The following COX7B2 variants were observed in gnomAD, a reference collection of about 807,000 sequenced individuals.
The protein encoded by COX7B2 is cytochrome c oxidase subunit 7B2.
For synonymous variants in COX7B2, 37 were observed against 32.1 expected, an observed-to-expected ratio of 1.15 and a Z score of -0.51; for missense variants, 109 against 95.9, an observed-to-expected ratio of 1.14 and a Z score of -0.57.
chr4:46,751,423 C>T (rs1328961979), intron 2 of COX7B2, among the ~76,000 whole-genome samples: 1 of 152,092 alleles, frequency 6.6e-6, no homozygotes, highest in Non-Finnish European at 1.5e-5. Flanking sequence ...TCTCCTTTCA[C>T]TTCTAGCAAA....
intron 1 of COX7B2, among the ~76,000 whole-genome samples, chr4:46,859,909 A>C (rs1211795548): frequency 6.6e-6 from 1 of 152,228 alleles, no homozygotes; most frequent in Non-Finnish European, 1.5e-5. Flanking sequence ...CTCTGGGTGC[A>C]CTGCCTATGA....
At chr4:46,829,830 T>A (rs1317713902) in intron 2 of COX7B2, among the ~76,000 whole-genome samples, 1 of 152,184 alleles carries the variant, frequency 6.6e-6, no homozygotes, top group African/African-American at 2.4e-5. Context: ...AAAATTAAAC[T>A]GAAGGGCAGA....
intron 1 of COX7B2, among the ~76,000 whole-genome samples, chr4:46,889,985 A>C (rs1222968969): frequency 6.6e-6 from 1 of 152,068 alleles, no homozygotes. Flanking sequence ...TATCCAAAAA[A>C]GAAATATATG....
At chr4:46,753,573 T>C (rs1161971022) in intron 2 of COX7B2, among the ~76,000 whole-genome samples, 3 of 151,852 alleles carry the variant, frequency 2.0e-5, no homozygotes, top group African/African-American at 7.3e-5. Context: ...CAAGATGGAT[T>C]AAAGACTTAA....
At chr4:46,824,699 C>A (rs1427895871) in intron 2 of COX7B2, among the ~76,000 whole-genome samples, 1 of 147,690 alleles carries the variant, frequency 6.8e-6, no homozygotes, top group Non-Finnish European at 1.5e-5. Context: ...AAGTAGGCTT[C>A]ATCACCAAAT....
rs200320314 is a variant in COX7B2, at chr4:46,762,371, CACAAT to C, written c.-49-27135_-49-27131del. ...TATATATACTATACATGTATATATACACAATACAATATATAATATATATTTACAAT... is the reference window on the plus strand; with the variant it reads ...TATATATACTATACATGTATATATACACAATATATAATATATATTTACAAT... On this transcript the variant is annotated intron_variant, in intron 2 of 2. Coordinates refer to ENST00000355591, the MANE Select transcript of COX7B2 (RefSeq NM_130902.3). 0.01 allele frequency among the ~76,000 whole-genome samples: 1,213 copies of C among 120,536 alleles called. 35 individuals carry two copies. The East Asian group carries it at 0.1, about 10-fold the overall frequency. 79.1% of individuals were successfully genotyped at this position (120,536 alleles called of 152,430 possible). A position where few individuals can be genotyped will look rare whatever the true frequency, so the allele number is the denominator to read the frequency against.
intron 2 of COX7B2, among the ~76,000 whole-genome samples, chr4:46,781,175 G>T (rs555775177): frequency 1.1e-4 from 17 of 152,184 alleles, no homozygotes; most frequent in African/African-American, 3.6e-4. Flanking sequence ...GGGCACAAAA[G>T]CAACACACTG....
intron 2 of COX7B2, among the ~76,000 whole-genome samples, chr4:46,792,361 C>T (rs1718094559): frequency 6.6e-6 from 1 of 152,168 alleles, no homozygotes; most frequent in South Asian, 2.1e-4. Flanking sequence ...GAGGGCATTT[C>T]TGGAAGGGAT....
intron 1 of COX7B2, among the ~76,000 whole-genome samples, chr4:46,887,057 T>C (rs559827525): frequency 7.2e-5 from 11 of 152,050 alleles, no homozygotes; most frequent in African/African-American, 2.7e-4. Context: ...TATGTGTGCC[T>C]CACATTAAGG....
intron 2 of COX7B2, among the ~76,000 whole-genome samples, chr4:46,765,386 T>C (rs1716469861): frequency 6.6e-6 from 1 of 152,154 alleles, no homozygotes; most frequent in African/African-American, 2.4e-5. Flanking sequence ...TGTACGCCAG[T>C]GAATCCTAGT....
At chr4:46,759,286 T>C (rs1715986281) in intron 2 of COX7B2, among the ~76,000 whole-genome samples, 1 of 152,102 alleles carries the variant, frequency 6.6e-6, no homozygotes, top group Admixed American at 6.6e-5. Flanking sequence ...AATGTAATTG[T>C]TAGAGATCAA....
At chr4:46,738,262 A>G (rs1395048306) in intron 2 of COX7B2, among the ~76,000 whole-genome samples, 2 of 152,132 alleles carry the variant, frequency 1.3e-5, no homozygotes, top group Non-Finnish European at 2.9e-5. Context: ...TTACATTTAA[A>G]TTCAGATCCT....
intron 2 of COX7B2, among the ~76,000 whole-genome samples, chr4:46,814,092 G>GTTTC (rs1318987084): frequency 1.3e-5 from 2 of 152,102 alleles, no homozygotes; most frequent in Non-Finnish European, 2.9e-5. Flanking sequence ...TAACCATTAT[G>GTTTC]GAAAATAGCA....
chr4:46,878,466 T>C (rs771302404), intron 1 of COX7B2, among the ~76,000 whole-genome samples: 4 of 150,328 alleles, frequency 2.7e-5, no homozygotes, highest in Non-Finnish European at 5.9e-5. Context: ...TTACTACATA[T>C]ACATAAGTTA....
intron 2 of COX7B2, among the ~76,000 whole-genome samples, chr4:46,780,569 G>C (rs896961275): frequency 5.9e-5 from 9 of 152,150 alleles, no homozygotes; most frequent in African/African-American, 2.2e-4. Context: ...CCTAACTAGA[G>C]GACAGATAGA....
intron 2 of COX7B2, among the ~76,000 whole-genome samples, chr4:46,831,928 T>C (rs1715140992): frequency 6.6e-6 from 1 of 152,138 alleles, no homozygotes; most frequent in Middle Eastern, 3.2e-3. Flanking sequence ...AATACACCAA[T>C]CAGCACAGCT....
At chr4:46,759,874 GTC>G in intron 2 of COX7B2, among the ~76,000 whole-genome samples, 1 of 148,864 alleles carries the variant, frequency 6.7e-6, no homozygotes, top group Admixed American at 6.7e-5. Flanking sequence ...AGTTATATAA[GTC>G]ATATCTTATA....
chr4:46,893,020 C>T (rs1423906569), intron 1 of COX7B2, among the ~76,000 whole-genome samples: 5 of 152,170 alleles, frequency 3.3e-5, no homozygotes, highest in African/African-American at 9.7e-5. Flanking sequence ...TGTAAGTTTC[C>T]TGAGACCTCC....
At chr4:46,792,035 T>C (rs1365003196) in intron 2 of COX7B2, among the ~76,000 whole-genome samples, 1 of 152,210 alleles carries the variant, frequency 6.6e-6, no homozygotes, top group South Asian at 2.1e-4. Context: ...CAAGATCCTA[T>C]GAAACATAGC....
Sources: allele counts gnomAD v4.1 joint callset (sites outside exome capture counted in the v4.1 genomes callset), GRCh38; gene constraint gnomAD v4.1.1; transcripts MANE v1.5; gene names NCBI Gene and HGNC (gene_info 2026-07-23, HGNC 2026-07-21).